Variants in UST observed in about 807,000 individuals in gnomAD.
The protein encoded by UST is chondroitin sulfate 2-O-sulfotransferase.
In UST, 21 loss-of-function variants were observed where a neutral mutation model predicts 45.6. The ratio of observed to expected loss-of-function variants is 0.46; its 90% CI spans 0.33 to 0.66. The LOEUF (loss-of-function observed/expected upper bound fraction) is 0.66, where lower values mean the gene tolerates loss of function less well. UST is among the 30% of genes least tolerant of loss of function. The probability of loss-of-function intolerance (pLI) is 0.02; values close to 1 mark genes in which losing one functional copy is unlikely to be tolerated. For synonymous variants in UST, 215 were observed against 200.6 expected (o/e 1.07, Z -0.61); for missense variants, 463 against 512.4 (o/e 0.90, Z 0.93).
intron 2 of UST, among the ~76,000 whole-genome samples, chr6:148,938,764 A>G (rs919287020): frequency 6.6e-6 from 1 of 151,366 alleles, no homozygotes; most frequent in African/African-American, 2.4e-5. Flanking sequence ...TGAAAAATAT[A>G]TAATAAAGTA....
At chr6:149,056,242 G>A (rs1054055956) in intron 7 of UST, among the ~76,000 whole-genome samples, 2 of 148,756 alleles carry the variant, frequency 1.3e-5, no homozygotes, top group Non-Finnish European at 3.0e-5. Context: ...TGAGTGGCTG[G>A]GATTACAGGC....
chr6:148,793,737 T>C (rs1044909706), intron 1 of UST, among the ~76,000 whole-genome samples: 1 of 152,178 alleles, frequency 6.6e-6, no homozygotes, highest in Non-Finnish European at 1.5e-5. Flanking sequence ...TGGAATAATA[T>C]AGTATGTCTC....
At chr6:149,043,493 C>T (rs569968683) in intron 7 of UST, among the ~76,000 whole-genome samples, 19 of 152,346 alleles carry the variant, frequency 1.2e-4, no homozygotes, top group East Asian at 7.7e-4. Context: ...CACAGGCATC[C>T]GCATCCCCTA....
At chr6:149,071,841 A>G (rs972001669) in intron 7 of UST, among the ~76,000 whole-genome samples, 12 of 152,248 alleles carry the variant, frequency 7.9e-5, no homozygotes, top group Admixed American at 7.2e-4. Context: ...ACTTGAATAG[A>G]CATTTCTCTA....
chr6:148,991,294 CAACA>C (rs1781347193), intron 5 of UST, among the ~76,000 whole-genome samples: 1 of 152,088 alleles, frequency 6.6e-6, no homozygotes, highest in Non-Finnish European at 1.5e-5. Context: ...TGAATGTAGG[CAACA>C]AACAGTGGCA....
intron 2 of UST, among the ~76,000 whole-genome samples, chr6:148,933,964 G>C (rs1779971472): frequency 6.6e-6 from 1 of 152,148 alleles, no homozygotes; most frequent in Admixed American, 6.6e-5. Context: ...TGTTTTTTCT[G>C]TTTCTTTAAT....
intron 2 of UST, among the ~76,000 whole-genome samples, chr6:148,896,380 T>A (rs1216894605): frequency 6.6e-6 from 1 of 152,188 alleles, no homozygotes; most frequent in Non-Finnish European, 1.5e-5. Context: ...AAAATTGTGT[T>A]GTGTGCAGGG....
chr6:148,922,674 T>A (rs891348504), intron 2 of UST, among the ~76,000 whole-genome samples: 1 of 151,266 alleles, frequency 6.6e-6, no homozygotes, highest in Non-Finnish European at 1.5e-5. Context: ...AGGGTTTCAC[T>A]GTGTTAGCCA....
chr6:149,007,539 C>T (rs1582956362), intron 5 of UST, among the ~76,000 whole-genome samples: 1 of 150,748 alleles, frequency 6.6e-6, no homozygotes, highest in Non-Finnish European at 1.5e-5. Flanking sequence ...CCGCCCGTCT[C>T]GGCCTCCCAA....
intron 7 of UST, among the ~76,000 whole-genome samples, chr6:149,054,109 G>GA (rs1394274520): frequency 1.3e-5 from 2 of 151,934 alleles, no homozygotes; most frequent in Admixed American, 1.3e-4. Flanking sequence ...GACCTCGTGG[G>GA]AAAAAAATGG....
intron 7 of UST, among the ~76,000 whole-genome samples, chr6:149,041,362 A>C (rs2115031187): frequency 6.6e-6 from 1 of 152,336 alleles, no homozygotes; most frequent in South Asian, 2.1e-4. Flanking sequence ...AACATCCTGC[A>C]GGAGAGCAGA....
At chr6:148,815,229 T>C (rs939287385) in intron 1 of UST, among the ~76,000 whole-genome samples, 1 of 152,210 alleles carries the variant, frequency 6.6e-6, no homozygotes, top group African/African-American at 2.4e-5. Context: ...GCTTAAATAG[T>C]ATAACATTTG....
intron 1 of UST, among the ~76,000 whole-genome samples, chr6:148,821,215 C>T (rs1253967664): frequency 6.6e-6 from 1 of 151,854 alleles, no homozygotes. Flanking sequence ...AGGTGATCCA[C>T]CTGCCTCAGC....
chr6:148,913,180 C>G (rs73778952), intron 2 of UST, among the ~76,000 whole-genome samples: 1 of 152,190 alleles, frequency 6.6e-6, no homozygotes, highest in African/African-American at 2.4e-5. Flanking sequence ...AGGGAAATTG[C>G]CCAACTGGAA....
Position 148,916,366 on chromosome 6 carries a change from G to A in UST, c.292-24913G>A, listed in dbSNP as rs140781304. 7.2e-5 allele frequency among the ~76,000 whole-genome samples: 11 copies of A among 152,290 alleles called. No homozygotes were observed. The East Asian group carries it at 7.7e-4, about 11-fold the overall frequency. On this transcript the variant is annotated intron_variant, in intron 2 of 7. Coordinates refer to ENST00000367463, the MANE Select transcript of UST (RefSeq NM_005715.3). Reference sequence around the variant, plus strand: ...GATCCACCGTAACACATATCCTCCCGTGAGTATATTTTGCAAATTGTGAAG... The same window carrying A: ...GATCCACCGTAACACATATCCTCCCATGAGTATATTTTGCAAATTGTGAAG...
At chr6:149,034,154 G>T (rs1776195030) in intron 7 of UST, among the ~76,000 whole-genome samples, 1 of 151,996 alleles carries the variant, frequency 6.6e-6, no homozygotes, top group Non-Finnish European at 1.5e-5. Flanking sequence ...ACATTTTGTT[G>T]GCTGCTGATC....
intron 2 of UST, among the ~76,000 whole-genome samples, chr6:148,890,400 G>A (rs990802655): frequency 6.6e-6 from 1 of 152,118 alleles, no homozygotes; most frequent in African/African-American, 2.4e-5. Context: ...CCTCTGGAAT[G>A]AACCCTTACC....
At chr6:148,788,324 A>G (rs1187791593) in intron 1 of UST, among the ~76,000 whole-genome samples, 1 of 152,144 alleles carries the variant, frequency 6.6e-6, no homozygotes, top group East Asian at 1.9e-4. Flanking sequence ...GCCAAACCAT[A>G]TCATCGTTCA....
chr6:148,892,012 C>T (rs894077010), intron 2 of UST, among the ~76,000 whole-genome samples: 2 of 152,154 alleles, frequency 1.3e-5, no homozygotes, highest in African/African-American at 4.8e-5. Flanking sequence ...CAGGATGGTC[C>T]GGGTTCTTTT....
Sources: allele counts gnomAD v4.1 joint callset (sites outside exome capture counted in the v4.1 genomes callset), GRCh38; gene constraint gnomAD v4.1.1; transcripts MANE v1.5; gene names NCBI Gene and HGNC (gene_info 2026-07-23, HGNC 2026-07-21).